RNF141: variants seen among roughly 807,000 people sequenced by gnomAD.
The protein encoded by RNF141 is ring finger protein 141.
A neutral mutation model predicts 27.4 loss-of-function variants in RNF141; 18 were observed. The ratio of observed to expected loss-of-function variants is 0.66; its 90% CI spans 0.45 to 0.97. The LOEUF is 0.97. Ranked by LOEUF, RNF141 falls within the 50% of genes least tolerant of loss-of-function variation. The pLI is 0.00. For synonymous variants in RNF141, 97 were observed against 96.6 expected (o/e 1.00, Z -0.02); for missense variants, 230 against 279.4 (o/e 0.82, Z 1.26).
chr11:10,519,569 T>C (rs905592474), intron 4 of RNF141, among the ~76,000 whole-genome samples: 7 of 152,228 alleles, frequency 4.6e-5, no homozygotes, highest in African/African-American at 9.7e-5. Context: ...AGTGTACTTA[T>C]ACAAACCTAG....
intron 2 of RNF141, 146 bp downstream of exon 2, chr11:10,533,870 T>A (rs1361304752): frequency 3.0e-6 from 2 of 669,418 alleles, no homozygotes; most frequent in Admixed American, 3.4e-5. Context: ...CAACTTATAA[T>A]AGATACTCAA....
At position 10,535,425 on chromosome 11, in the gene RNF141, G is replaced by A. The variant is rs1850025770; in HGVS notation, c.-47-1220C>T. Among the ~76,000 whole-genome samples the A allele has an allele frequency of 2.1e-5, 3 of 141,692 alleles. No individual in the cohort carries two copies. In the South Asian group the frequency reaches 6.7e-4, roughly 32 times the overall value. The allele number at this position is 141,692 out of a possible 152,430, so 93.0% of individuals were successfully genotyped here. A position where few individuals can be genotyped will look rare whatever the true frequency, so the allele number is the denominator to read the frequency against. ...TGGTAATAATAAATATCACATTATA[G>A]AGATAAATGAAAGGAAGTTGTTGAG... On this transcript the variant is annotated intron_variant, in intron 1 of 5. Transcript: ENST00000265981.
intron 3 of RNF141, among the ~76,000 whole-genome samples, chr11:10,527,581 A>G (rs1849947382): frequency 6.6e-6 from 1 of 152,116 alleles, no homozygotes; most frequent in African/African-American, 2.4e-5. Flanking sequence ...TGGGAATAGA[A>G]TATATAGGAC....
chr11:10,515,095 T>C lies in RNF141; in HGVS notation c.543-29A>G, dbSNP rs543668283. ...TTAGAGAAGTCAAAACAAAACAGTT[T>C]GCTTTCTTCTTTTTTAAAAACAGGA... On this transcript the variant is annotated intron_variant, in intron 5 of 5. Coordinates refer to ENST00000265981, the MANE Select transcript of RNF141 (RefSeq NM_016422.4). 5 of 1,576,930 alleles carry C rather than the reference T, an allele frequency of 3.2e-6. No individual in the cohort carries two copies. In the Admixed American group the frequency reaches 5.8e-5, roughly 18 times the overall value.
At chr11:10,535,321 T>C (rs1350785101) in intron 1 of RNF141, among the ~76,000 whole-genome samples, 1 of 150,500 alleles carries the variant, frequency 6.6e-6, no homozygotes, top group Admixed American at 6.7e-5. Context: ...GTTAATTCCT[T>C]TAGTTACCTA....
At chr11:10,532,532 CA>C (rs1473655313) in intron 2 of RNF141, among the ~76,000 whole-genome samples, 1,704 of 131,164 alleles carry the variant, frequency 0.013, 19 homozygotes, top group African/African-American at 0.039. Context: ...CACACACACA[CA>C]CACACCCCAC....
At chr11:10,539,699 T>TATATATA (rs56298076) in intron 1 of RNF141, among the ~76,000 whole-genome samples, 5 of 73,688 alleles carry the variant, frequency 6.8e-5, no homozygotes, top group East Asian at 5.3e-4. Context: ...TACATATATA[T>TATATATA]TAGAGAGAGA....
chr11:10,526,987 G>A (rs985232270), intron 3 of RNF141, among the ~76,000 whole-genome samples: 1 of 152,182 alleles, frequency 6.6e-6, no homozygotes, highest in African/African-American at 2.4e-5. Flanking sequence ...TTACAAAATA[G>A]ATCTTCAGAG....
At chr11:10,531,675 C>T (rs1310611061) in intron 2 of RNF141, among the ~76,000 whole-genome samples, 2 of 152,114 alleles carry the variant, frequency 1.3e-5, no homozygotes, top group African/African-American at 4.8e-5. Context: ...CAATATCATG[C>T]TATCAACATT....
intron 3 of RNF141, among the ~76,000 whole-genome samples, chr11:10,526,445 TG>T (rs966024533): frequency 2.6e-5 from 4 of 152,150 alleles, no homozygotes; most frequent in African/African-American, 9.7e-5. Flanking sequence ...GTTTATTAAT[TG>T]CTTACTATTT....
intron 5 of RNF141, 53 bp from the exon 6 acceptor site, chr11:10,515,119 GATTTT>G: frequency 6.5e-7 from 1 of 1,549,530 alleles, no homozygotes; most frequent in Non-Finnish European, 8.7e-7. Flanking sequence ...TTAAAAACAG[GATTTT>G]ATTTAAAGTA....
intron 4 of RNF141, among the ~76,000 whole-genome samples, chr11:10,523,681 C>T (rs1180302618): frequency 6.6e-6 from 1 of 152,146 alleles, no homozygotes. Context: ...ACTGAATTTC[C>T]AGTTTTGAGG....
chr11:10,523,306 T>C (rs1442672778), intron 4 of RNF141, among the ~76,000 whole-genome samples: 1 of 152,218 alleles, frequency 6.6e-6, no homozygotes, highest in Non-Finnish European at 1.5e-5. Context: ...AGAGCACAGC[T>C]GTACTGCCAG....
intron 1 of RNF141, among the ~76,000 whole-genome samples, chr11:10,536,834 CTCTTGCTAGAAGCAGGTA>C (rs1850041377): frequency 6.6e-6 from 1 of 152,210 alleles, no homozygotes; most frequent in African/African-American, 2.4e-5. Context: ...TAATCCTAAA[CTCTTGCTAGAAGCAGGTA>C]TCTTGAGCAA....
At chr11:10,532,352 T>TA (rs956813520) in intron 2 of RNF141, among the ~76,000 whole-genome samples, 2 of 152,150 alleles carry the variant, frequency 1.3e-5, no homozygotes, top group African/African-American at 4.8e-5. Context: ...AGTAAAATGC[T>TA]AGAGTTTTTA....
At chr11:10,516,404 G>T (rs1849843099) in intron 5 of RNF141, 2 of 152,218 alleles carry the variant, frequency 1.3e-5, no homozygotes, top group South Asian at 4.1e-4. Flanking sequence ...ACTTGCCTCA[G>T]CTTACAGCCT....
chr11:10,516,962 CAA>C (rs1849847920), intron 5 of RNF141: 1 of 151,988 alleles, frequency 6.6e-6, no homozygotes, highest in Admixed American at 6.5e-5. Flanking sequence ...GTAAAATTCA[CAA>C]AGTCTGCCAC....
At chr11:10,531,960 A>G (rs1228122527) in intron 2 of RNF141, 1 of 450,832 alleles carries the variant, frequency 2.2e-6, no homozygotes. Context: ...TGAAATGCCA[A>G]TTCTGACCCA....
At chr11:10,527,895 T>C (rs1259416381) in intron 3 of RNF141, among the ~76,000 whole-genome samples, 7 of 152,058 alleles carry the variant, frequency 4.6e-5, no homozygotes, top group African/African-American at 1.7e-4. Context: ...TACATTTTGA[T>C]GTGACAGGAC....
Sources: gnomAD v4.1 joint callset for allele counts (sites outside exome capture counted in the v4.1 genomes callset) on GRCh38, gnomAD v4.1.1 for gene constraint, MANE v1.5 for transcripts, NCBI Gene and HGNC (gene_info 2026-07-23, HGNC 2026-07-21) for gene names.